The following MAST4 variants were observed in gnomAD, a reference collection of about 807,000 sequenced individuals.
MAST4 encodes microtubule-associated serine/threonine-protein kinase 4.
MAST4 carries 89 observed loss-of-function variants against 162.7 expected under a neutral mutation model. That is an observed-to-expected ratio of 0.55 (90% CI 0.46 to 0.65). The LOEUF is 0.65. MAST4 is among the 30% of genes least tolerant of loss of function. The pLI is 0.00. For missense variants in MAST4, 3,153 were observed against 3,374.0 expected (o/e 0.93, Z 1.62); for synonymous variants, 1,479 against 1,361.1 (o/e 1.09, Z -1.91).
At chr5:66,695,339 G>A (rs914147914) in intron 1 of MAST4, among the ~76,000 whole-genome samples, 1 of 152,044 alleles carries the variant, frequency 6.6e-6, no homozygotes, top group Non-Finnish European at 1.5e-5. Context: ...GTGTGGTCTT[G>A]TTTCTGAGAC....
At chr5:67,143,545 G>T (rs1030785435) in intron 21 of MAST4, among the ~76,000 whole-genome samples, 7 of 152,288 alleles carry the variant, frequency 4.6e-5, no homozygotes, top group African/African-American at 1.7e-4. Flanking sequence ...ATTTTCTGTT[G>T]CCATGGCATT....
intron 23 of MAST4, among the ~76,000 whole-genome samples, chr5:67,145,913 G>A (rs6877010): frequency 0.8 from 121,107 of 152,108 alleles, 48,285 homozygotes; most frequent in Admixed American, 0.83. Context: ...GTTGTACCAA[G>A]TAATTTCTCT....
In MAST4 at chr5:67,164,821, G is replaced by A. The variant is rs372106522; in HGVS notation, c.5642G>A (p.Arg1881Gln). The change falls in exon 29 of 29, where the codon CGA becomes CAA. Residue 1881 changes from arginine (R) to glutamine (Q), a missense_variant. Arg to Gln is a conservative substitution (Grantham distance 43). This residue lies in a region of MAST4 where 1,644 missense variants were observed against 1,495.0 expected (regional missense o/e 1.10). Transcript: ENST00000403625. This position sits in a 1 kb window ranked among gnomAD's most constrained non-coding sequence, Gnocchi z 5.3. Reference sequence around the variant, plus strand: ...GAGCCTTGGTTCCTGCCCCCCAGCCGAGGTCTCCAGAATTCACCAGCAGTT... The same window carrying A: ...GAGCCTTGGTTCCTGCCCCCCAGCCAAGGTCTCCAGAATTCACCAGCAGTT... ...LLEPWFLPPS[R>Q]GLQNSPAVSL... 14 of 1,613,842 alleles carry A rather than the reference G, an allele frequency of 8.7e-6. No individual in the cohort carries two copies. The highest frequency in any genetic ancestry group is 1.3e-5 in the African/African-American group (1 of 74,908).
At chr5:67,158,577 A>T (rs1037828775) in intron 26 of MAST4, among the ~76,000 whole-genome samples, 3 of 152,012 alleles carry the variant, frequency 2.0e-5, no homozygotes, top group Admixed American at 6.5e-5. Flanking sequence ...TCTCAAAAAA[A>T]TTTTTTTTAA....
chr5:67,068,972 C>G (rs540924043), intron 5 of MAST4, among the ~76,000 whole-genome samples: 78 of 151,904 alleles, frequency 5.1e-4, no homozygotes, highest in African/African-American at 1.9e-3. Context: ...CATGCATTTC[C>G]TAAGTATTCC....
intron 1 of MAST4, among the ~76,000 whole-genome samples, chr5:66,668,935 C>G (rs1195854641): frequency 6.6e-6 from 1 of 152,072 alleles, no homozygotes; most frequent in Non-Finnish European, 1.5e-5. Context: ...AAGGAGCTAG[C>G]GCGGGAGGAA....
intron 1 of MAST4, among the ~76,000 whole-genome samples, chr5:66,606,822 G>A (rs752251334): frequency 8.6e-5 from 13 of 151,840 alleles, no homozygotes; most frequent in Middle Eastern, 6.8e-3. Context: ...ATAATGTGTG[G>A]CGAAGCAACA....
intron 3 of MAST4, among the ~76,000 whole-genome samples, chr5:66,871,031 T>G (rs1173283959): frequency 6.6e-6 from 1 of 152,218 alleles, no homozygotes; most frequent in Non-Finnish European, 1.5e-5. Flanking sequence ...GGTGTTCTGG[T>G]AAGTGTTTAA....
intron 1 of MAST4, among the ~76,000 whole-genome samples, chr5:66,711,341 G>A (rs1225697882): frequency 6.6e-6 from 1 of 152,138 alleles, no homozygotes; most frequent in Admixed American, 6.5e-5. Flanking sequence ...AAAAATCAAG[G>A]TATTGGCAGG....
At chr5:66,843,296 A>G (rs1471424572) in intron 3 of MAST4, among the ~76,000 whole-genome samples, 2 of 152,160 alleles carry the variant, frequency 1.3e-5, no homozygotes, top group Non-Finnish European at 2.9e-5. Context: ...ATTCATTTGT[A>G]TTTTTAAGTC....
At chr5:66,703,306 G>A (rs796932342) in intron 1 of MAST4, among the ~76,000 whole-genome samples, 2 of 152,194 alleles carry the variant, frequency 1.3e-5, no homozygotes, top group Admixed American at 6.5e-5. Flanking sequence ...TTTATGGCAT[G>A]AGCAGCCTGA....
chr5:67,130,635 A>G (rs1490748906), intron 15 of MAST4, among the ~76,000 whole-genome samples: 1 of 152,148 alleles, frequency 6.6e-6, no homozygotes, highest in East Asian at 1.9e-4. Flanking sequence ...ATCTGGAAAA[A>G]GGTTATCTTT....
At chr5:67,111,365 C>A (rs762691734) in intron 11 of MAST4, among the ~76,000 whole-genome samples, 2 of 152,046 alleles carry the variant, frequency 1.3e-5, no homozygotes, top group African/African-American at 2.4e-5. Flanking sequence ...GTGAAATATT[C>A]GCAGCACCAT....
At position 67,166,242 on chromosome 5, in the gene MAST4, G is replaced by GACAA. The variant is rs1487148676; in HGVS notation, c.7065_7068dup (p.Ser2357GlnfsTer21). 8 of 1,552,418 alleles carry GACAA rather than the reference G, an allele frequency of 5.2e-6. No homozygotes were observed. Among genetic ancestry groups the GACAA allele is most frequent in the Non-Finnish European group, 6.1e-6 (7 of 1,147,476 alleles). ...CAAACAGACAGACAACAGACAGACA[G>GACAA]ACAAAAGCCCGAGTCAGCCGGCCGC... On this transcript the variant is annotated frameshift_variant, in exon 29 of 29. Transcript: ENST00000403625. LOFTEE classifies it low-confidence loss of function (END_TRUNC).
At chr5:66,780,444 G>T (rs918782894) in intron 2 of MAST4, among the ~76,000 whole-genome samples, 1 of 152,164 alleles carries the variant, frequency 6.6e-6, no homozygotes, top group East Asian at 1.9e-4. Context: ...CTTCAGATAT[G>T]TCCAGAGTTT....
In MAST4 at chr5:67,110,115, A is replaced by G; in HGVS notation, c.1374A>G (p.Glu458=). ...TTTCATAGGCTCATGATCGTTCAGA[A>G]AGTGGAGAATTGGCATTTATTAAAC... The part of the protein sequence containing the change: ...KLLQEAHDRS[E]SGELAFIKQL... The change falls in exon 11 of 29, where the codon GAA becomes GAG. Residue 458 remains glutamate (E), a synonymous_variant. Transcript: ENST00000403625. 1 of 1,613,256 alleles carries G rather than the reference A, an allele frequency of 6.2e-7. No individual in the cohort carries two copies. Among genetic ancestry groups the G allele is most frequent in the Non-Finnish European group, 8.5e-7 (1 of 1,179,252 alleles).
chr5:66,910,572 T>C (rs1763674729), intron 4 of MAST4, among the ~76,000 whole-genome samples: 1 of 152,122 alleles, frequency 6.6e-6, no homozygotes, highest in South Asian at 2.1e-4. Flanking sequence ...AATTCTTCTT[T>C]TACTCCATGT....
intron 1 of MAST4, among the ~76,000 whole-genome samples, chr5:66,715,673 TAATA>T (rs1750786878): frequency 7.9e-6 from 1 of 126,716 alleles, no homozygotes; most frequent in African/African-American, 3.0e-5. Flanking sequence ...AGTATAATAA[TAATA>T]AAATAAAAAT....
intron 4 of MAST4, among the ~76,000 whole-genome samples, chr5:66,979,423 A>G (rs565977057): frequency 7.2e-5 from 11 of 152,296 alleles, no homozygotes; most frequent in African/African-American, 2.4e-4. Context: ...TTCAGCTGCA[A>G]CCTGCAACTG....
Sources: gnomAD v4.1 joint callset for allele counts (sites outside exome capture counted in the v4.1 genomes callset) on GRCh38, gnomAD v4.1.1 for gene constraint, gnomAD v4.1.1 regional missense constraint, Gnocchi (gnomAD v3.1) non-coding constraint, MANE v1.5 for transcripts, NCBI Gene and HGNC (gene_info 2026-07-23, HGNC 2026-07-21) for gene names.